PLCG2: variants seen among roughly 807,000 people sequenced by gnomAD.
PLCG2 encodes phospholipase C gamma 2, also known as 1-phosphatidylinositol 4,5-bisphosphate phosphodiesterase gamma-2.
PLCG2 carries 69 observed loss-of-function variants against 175.6 expected under a neutral mutation model. The ratio of observed to expected loss-of-function variants is 0.39; its 90% confidence interval spans 0.32 to 0.48. The LOEUF is 0.48. Among genes scored for constraint, PLCG2 ranks in the 20% least tolerant of loss-of-function variants. The probability of loss-of-function intolerance (pLI) is 0.91; values close to 1 mark genes in which losing one functional copy is unlikely to be tolerated. For synonymous variants in PLCG2, 827 were observed against 624.0 expected (o/e 1.33, Z -4.85); for missense variants, 1,798 against 1,650.9 (o/e 1.09, Z -1.54).
chr16:81,889,478 G>A (rs1477896912), intron 10 of PLCG2: 1 of 488,952 alleles, frequency 2.0e-6, no homozygotes, highest in African/African-American at 2.0e-5. Flanking sequence ...ACTGCCCAGT[G>A]GGTTCATTTT....
At chr16:81,758,868 G>T (rs1213116598) in intron 2 of PLCG2, among the ~76,000 whole-genome samples, 3 of 152,094 alleles carry the variant, frequency 2.0e-5, no homozygotes, top group Non-Finnish European at 4.4e-5. Context: ...AGTAGAGACG[G>T]GGTTTCACCA....
intron 1 of PLCG2, among the ~76,000 whole-genome samples, chr16:81,782,032 C>T (rs1163915499): frequency 6.6e-6 from 1 of 152,052 alleles, no homozygotes; most frequent in Non-Finnish European, 1.5e-5. Flanking sequence ...CCACCACACC[C>T]GGCTAATTGT....
At chr16:81,849,575 A>G (rs1326913285) in intron 2 of PLCG2, among the ~76,000 whole-genome samples, 6 of 152,086 alleles carry the variant, frequency 3.9e-5, no homozygotes, top group African/African-American at 1.2e-4. Context: ...CCTGACCTAT[A>G]TGGTGAAACC....
rs142523781 is a variant in PLCG2 at position 81,959,657 on chromosome 16, T to G, written c.*1659T>G. 2.9e-3 allele frequency: 543 copies of G among 188,470 alleles called. 1 individual carries two copies. Among genetic ancestry groups the G allele is most frequent in the Non-Finnish European group, 2.6e-3 (230 of 89,534 alleles). 11.7% of individuals were successfully genotyped at this position (188,470 alleles called of 1,614,324 possible). ...CAGTCAGCAACTGAAGAAAGAACAT[T>G]CCTCTTAGTGGCAGATGTTCAAAGC... On this transcript the variant is annotated 3_prime_UTR_variant, in exon 33 of 33. Transcript: ENST00000564138.
At chr16:81,784,099 C>T (rs1251450181) in intron 1 of PLCG2, among the ~76,000 whole-genome samples, 1 of 152,128 alleles carries the variant, frequency 6.6e-6, no homozygotes, top group Non-Finnish European at 1.5e-5. Flanking sequence ...AGTCTGTTTC[C>T]CCATGGGCAG....
chr16:81,763,026 T>C (rs561610822), intron 2 of PLCG2, among the ~76,000 whole-genome samples: 2 of 152,174 alleles, frequency 1.3e-5, no homozygotes, highest in African/African-American at 4.8e-5. Context: ...CACTGTATTC[T>C]AGCCTGGGCA....
chr16:81,907,239 G>A (rs572116584), intron 15 of PLCG2, among the ~76,000 whole-genome samples: 8 of 151,934 alleles, frequency 5.3e-5, no homozygotes, highest in African/African-American at 1.4e-4. Context: ...CAATAAAACA[G>A]TGACCAAAGC....
chr16:81,842,734 G>A (rs2143431449), intron 2 of PLCG2: 1 of 152,432 alleles, frequency 6.6e-6, no homozygotes, highest in South Asian at 2.1e-4. Context: ...AGTAGCGGGA[G>A]GAGGAAGGAA....
chr16:81,741,064 G>C (rs1159782842), intron 1 of PLCG2, among the ~76,000 whole-genome samples: 1 of 152,170 alleles, frequency 6.6e-6, no homozygotes, highest in Non-Finnish European at 1.5e-5. Context: ...TTCCTCCATA[G>C]ACCAGCGCTC....
At chr16:81,925,842 G>A (rs1235113182) in intron 22 of PLCG2, among the ~76,000 whole-genome samples, 3 of 150,526 alleles carry the variant, frequency 2.0e-5, no homozygotes, top group African/African-American at 4.9e-5. Context: ...AGCTGAGATC[G>A]TGCCATGCAC....
At chr16:81,847,739 G>A (rs924954289) in intron 2 of PLCG2, among the ~76,000 whole-genome samples, 4 of 152,158 alleles carry the variant, frequency 2.6e-5, no homozygotes, top group African/African-American at 9.7e-5. Flanking sequence ...GAGCAATACA[G>A]TATAATTATT....
intron 13 of PLCG2, chr16:81,897,834 C>T (rs1219615627): frequency 2.4e-5 from 11 of 455,680 alleles, no homozygotes; most frequent in Admixed American, 9.4e-5. Flanking sequence ...CATGAGCCAC[C>T]GTGCCCAACC....
chr16:81,876,369 A>G (rs922702250), intron 7 of PLCG2, among the ~76,000 whole-genome samples: 1 of 152,226 alleles, frequency 6.6e-6, no homozygotes, highest in East Asian at 1.9e-4. Flanking sequence ...CCAGAACCAA[A>G]TGGTTTCTAC....
intron 14 of PLCG2, among the ~76,000 whole-genome samples, chr16:81,903,400 C>T (rs572216071): frequency 1.3e-5 from 2 of 152,330 alleles, no homozygotes; most frequent in East Asian, 3.9e-4. Flanking sequence ...TTGGTGCCCC[C>T]ATGGGTAAGA....
intron 5 of PLCG2, among the ~76,000 whole-genome samples, chr16:81,861,302 C>G (rs1345427952): frequency 2.0e-5 from 3 of 152,232 alleles, no homozygotes; most frequent in Non-Finnish European, 4.4e-5. Context: ...TGTCAGCTCT[C>G]TTATTTTGTT....
chr16:81,874,050 C>A (rs557070514), intron 7 of PLCG2, among the ~76,000 whole-genome samples: 1 of 152,294 alleles, frequency 6.6e-6, no homozygotes, highest in African/African-American at 2.4e-5. Context: ...TCTGCCGATA[C>A]CAAAGGTTGA....
At chr16:81,801,180 C>T (rs936117676) in intron 2 of PLCG2, among the ~76,000 whole-genome samples, 1 of 152,108 alleles carries the variant, frequency 6.6e-6, no homozygotes, top group Non-Finnish European at 1.5e-5. Flanking sequence ...AATAAATAAC[C>T]CCCAACCCCG....
In PLCG2 at chr16:81,884,445, ACT is replaced by A. The variant is rs1252368129; in HGVS notation, c.765+1107_765+1108del. On this transcript the variant is annotated intron_variant, in intron 9 of 32. Transcript: ENST00000564138. ...GTACCTACAGTGCTGAGGACAAGAA[ACT>A]CTGTGAGAGTGAGATCAACTTGAAA... Among the ~76,000 whole-genome samples the A allele has an allele frequency of 9.9e-5, 15 of 151,984 alleles. No homozygotes were observed. In the Middle Eastern group the frequency reaches 0.01, roughly 103 times the overall value.
chr16:81,940,657 C>G (rs78690039), intron 30 of PLCG2, among the ~76,000 whole-genome samples: 2 of 152,166 alleles, frequency 1.3e-5, no homozygotes, highest in Admixed American at 6.5e-5. Flanking sequence ...CTGGGTCATA[C>G]GACCAGCTCT....
Sources: allele counts gnomAD v4.1 joint callset (sites outside exome capture counted in the v4.1 genomes callset), GRCh38; gene constraint gnomAD v4.1.1; transcripts MANE v1.5; gene names NCBI Gene and HGNC (gene_info 2026-07-23, HGNC 2026-07-21).